Variants in IGF2BP3 observed in about 807,000 individuals in gnomAD.
IGF2BP3 encodes the protein insulin like growth factor 2 mRNA binding protein 3, also known as insulin-like growth factor 2 mRNA-binding protein 3.
In IGF2BP3, 9 loss-of-function variants were observed where a neutral mutation model predicts 73.8. The ratio of observed to expected loss-of-function variants is 0.12; its 90% CI spans 0.07 to 0.21. The LOEUF is 0.21. Among genes scored for constraint, IGF2BP3 ranks in the 10% least tolerant of loss-of-function variants. IGF2BP3 has a pLI of 1.00. For missense variants in IGF2BP3, 542 were observed against 714.0 expected (o/e 0.76, Z 2.75); for synonymous variants, 258 against 256.7 (o/e 1.01, Z -0.05).
intron 2 of IGF2BP3, among the ~76,000 whole-genome samples, chr7:23,463,279 T>C (rs1788492040): frequency 2.6e-5 from 4 of 152,358 alleles, no homozygotes; most frequent in Admixed American, 2.0e-4. Flanking sequence ...TGAAGGTAGT[T>C]TGACAGCTTC....
At chr7:23,435,292 C>CAAAAAAAAAAA (rs35846648) in intron 2 of IGF2BP3, among the ~76,000 whole-genome samples, 8 of 47,962 alleles carry the variant, frequency 1.7e-4, no homozygotes, top group Non-Finnish European at 2.5e-4. Flanking sequence ...GACTCTGTCT[C>CAAAAAAAAAAA]AAAAAAAAAA....
At chr7:23,431,151 G>A (rs1300253753) in intron 2 of IGF2BP3, 2 of 152,204 alleles carry the variant, frequency 1.3e-5, no homozygotes, top group East Asian at 1.9e-4. Context: ...AAGGAAGAGA[G>A]AGCATTACGA....
chr7:23,384,078 A>G (rs1168583744), intron 3 of IGF2BP3, among the ~76,000 whole-genome samples: 3 of 145,490 alleles, frequency 2.1e-5, no homozygotes, highest in Admixed American at 7.0e-5. Context: ...CCTGGGCGAC[A>G]GAGCAAGACT....
chr7:23,460,413 T>A (rs1427873823), intron 2 of IGF2BP3, among the ~76,000 whole-genome samples: 1 of 151,170 alleles, frequency 6.6e-6, no homozygotes, highest in Non-Finnish European at 1.5e-5. Context: ...GTGCCTGTAA[T>A]CCCAGCTATT....
intron 12 of IGF2BP3, among the ~76,000 whole-genome samples, chr7:23,315,699 ATTAC>A (rs1022212775): frequency 5.9e-5 from 9 of 152,202 alleles, no homozygotes; most frequent in African/African-American, 9.7e-5. Flanking sequence ...AGATATTACT[ATTAC>A]TTAAGACAGT....
rs1414590308 is a variant in IGF2BP3 at position 23,352,914 on chromosome 7, GT to G, written c.402-1329del. ...AAATTGTTGTGTTCTGTTTTCTGGGGTTTTTTGTTTGTTTGTTTTGCTTTGT... is the reference window on the plus strand; with the variant it reads ...AAATTGTTGTGTTCTGTTTTCTGGGGTTTTTGTTTGTTTGTTTTGCTTTGT... On this transcript the variant is annotated intron_variant, in intron 5 of 14. Transcript: ENST00000258729. 1.4e-4 allele frequency among the ~76,000 whole-genome samples: 22 copies of G among 152,026 alleles called. No individual in the cohort carries two copies. The East Asian group carries it at 4.3e-3, about 29-fold the overall frequency.
chr7:23,381,541 G>A (rs981954558), intron 3 of IGF2BP3, among the ~76,000 whole-genome samples: 3 of 152,174 alleles, frequency 2.0e-5, no homozygotes, highest in Admixed American at 1.3e-4. Flanking sequence ...GTTCATTAAA[G>A]TGATGGCTGA....
At position 23,468,542 on chromosome 7, in the gene IGF2BP3, C is replaced by T; in HGVS notation, c.176G>A (p.Gly59Asp). Residue 59 changes from glycine (G) to aspartate (D), a missense_variant and splice_region_variant, in exon 2 of 15, where the codon GGT becomes GAT. Gly to Asp is a moderately conservative substitution (Grantham distance 94). Coordinates refer to ENST00000258729, the MANE Select transcript of IGF2BP3 (RefSeq NM_006547.3). ...WALKAIEALS[G>D]KIELHGKPIE... Reference sequence around the variant, plus strand: ...GGGTTTCCCGTGCAGTTCTATTTTACCTGCGGACACACAAGAAGTGAGACG... The same window carrying T: ...GGGTTTCCCGTGCAGTTCTATTTTATCTGCGGACACACAAGAAGTGAGACG... 1 of 1,614,162 alleles carries T rather than the reference C, an allele frequency of 6.2e-7. No homozygotes were observed. Among genetic ancestry groups the T allele is most frequent in the Non-Finnish European group, 8.5e-7 (1 of 1,179,996 alleles).
chr7:23,320,947 C>CAAAAAAAAAAAAAAAAAA (rs70966008), intron 10 of IGF2BP3, among the ~76,000 whole-genome samples: 5 of 96,520 alleles, frequency 5.2e-5, no homozygotes, highest in East Asian at 2.5e-4. Flanking sequence ...AACTCTGTCT[C>CAAAAAAAAAAAAAAAAAA]AAAAAAAAAA....
At chr7:23,438,739 C>T (rs183328838) in intron 2 of IGF2BP3, among the ~76,000 whole-genome samples, 164 of 152,168 alleles carry the variant, frequency 1.1e-3, no homozygotes, top group African/African-American at 3.9e-3. Flanking sequence ...GTTATAATAA[C>T]CCTAGTTGTG....
chr7:23,442,355 T>A lies in IGF2BP3; in HGVS notation c.237-23531A>T, dbSNP rs1054842716. Among the ~76,000 whole-genome samples, 5 of 152,148 alleles carry A rather than the reference T, an allele frequency of 3.3e-5. No homozygotes were observed. In the East Asian group the frequency reaches 7.7e-4, roughly 23 times the overall value. On this transcript the variant is annotated intron_variant, in intron 2 of 14. Coordinates refer to ENST00000258729, the MANE Select transcript of IGF2BP3 (RefSeq NM_006547.3). ...TCAGTTGTGTAACGGATTAATGTCA[T>A]CTTAGGTTTTATGCAAGGTCAATAA...
chr7:23,411,988 T>C (rs1199946905), intron 3 of IGF2BP3, among the ~76,000 whole-genome samples: 31 of 145,872 alleles, frequency 2.1e-4, no homozygotes, highest in African/African-American at 8.0e-4. Context: ...ATTTCTCTTT[T>C]TTTTTTTTTT....
chr7:23,463,394 A>G (rs764914251), intron 2 of IGF2BP3, among the ~76,000 whole-genome samples: 1 of 152,172 alleles, frequency 6.6e-6, no homozygotes, highest in African/African-American at 2.4e-5. Flanking sequence ...TGCTAACTGC[A>G]TGAAAGAGGT....
At chr7:23,456,182 A>C (rs747213384) in intron 2 of IGF2BP3, among the ~76,000 whole-genome samples, 6 of 151,980 alleles carry the variant, frequency 3.9e-5, no homozygotes, top group Non-Finnish European at 4.4e-5. Context: ...CTCCAAAGAA[A>C]GAGCAAGAGC....
chr7:23,468,502 G>A lies in IGF2BP3; in HGVS notation c.216C>T (p.His72=), dbSNP rs762721057. 2.4e-5 allele frequency: 39 copies of A among 1,614,228 alleles called. No individual in the cohort carries two copies. In the South Asian group the frequency reaches 4.0e-4, roughly 16 times the overall value. The change falls in exon 2 of 15, where the codon CAC becomes CAT. Residue 72 remains histidine, a synonymous_variant. Coordinates refer to ENST00000258729, the MANE Select transcript of IGF2BP3 (RefSeq NM_006547.3). ...CTCACCTTTGCCTTTTTGGGACCGA[G>A]TGCTCAACTTCTATGGGTTTCCCGT... ...ELHGKPIEVE[H]SVPKRQRIRK...
chr7:23,413,140 G>T (rs181340104), intron 3 of IGF2BP3: 1 of 151,560 alleles, frequency 6.6e-6, no homozygotes, highest in African/African-American at 2.4e-5. Context: ...GATTACAGGC[G>T]TGAGTCACCG....
In IGF2BP3 at chr7:23,311,171, C is replaced by T. The variant is rs1402163466; in HGVS notation, c.*1191G>A. On this transcript the variant is annotated 3_prime_UTR_variant, in exon 15 of 15. Coordinates refer to ENST00000258729, the MANE Select transcript of IGF2BP3 (RefSeq NM_006547.3). ...ATCTTCAAAATAGCTTAGTGAGGCT[C>T]ATGACAGTGCTGGCCCCATGGAAAT... 3 of 151,880 alleles carry T rather than the reference C, an allele frequency of 2.0e-5. No homozygotes were observed. The highest frequency in any genetic ancestry group is 4.4e-5 in the Non-Finnish European group (3 of 67,992). The allele number at this position is 151,880 out of a possible 1,614,324, so 9.4% of individuals were successfully genotyped here.
At chr7:23,336,901 T>C (rs973259353) in intron 10 of IGF2BP3, among the ~76,000 whole-genome samples, 1 of 151,678 alleles carries the variant, frequency 6.6e-6, no homozygotes, top group Admixed American at 6.6e-5. Flanking sequence ...TGAACCGAGA[T>C]TGCGCCACCA....
chr7:23,361,459 T>G, intron 5 of IGF2BP3, 75 bp downstream of exon 5: 2 of 1,244,628 alleles, frequency 1.6e-6, no homozygotes, highest in South Asian at 1.3e-5. Context: ...CCCTTCTCAG[T>G]TGAGAAATCC....
Sources: gnomAD v4.1 joint callset for allele counts (sites outside exome capture counted in the v4.1 genomes callset) on GRCh38, gnomAD v4.1.1 for gene constraint, MANE v1.5 for transcripts, NCBI Gene and HGNC (gene_info 2026-07-23, HGNC 2026-07-21) for gene names.